The following CDH4 variants were observed in gnomAD, a reference collection of about 807,000 sequenced individuals.
CDH4 encodes cadherin-4.
CDH4 carries 33 observed loss-of-function variants against 86.0 expected under a neutral mutation model. That is an observed-to-expected ratio of 0.38 (90% confidence interval 0.29 to 0.51). The LOEUF (loss-of-function observed/expected upper bound fraction) is 0.51, where lower values mean the gene tolerates loss of function less well. Among genes scored for constraint, CDH4 ranks in the 20% least tolerant of loss-of-function variants. The pLI, the probability that CDH4 is intolerant of heterozygous loss-of-function variation, is 0.86. For synonymous variants in CDH4, 555 were observed against 549.4 expected (o/e 1.01, Z -0.14); for missense variants, 1,114 against 1,307.4 (o/e 0.85, Z 2.28).
chr20:61,798,062 C>T (rs1233619997), intron 4 of CDH4, among the ~76,000 whole-genome samples: 1 of 152,242 alleles, frequency 6.6e-6, no homozygotes, highest in Non-Finnish European at 1.5e-5. Flanking sequence ...CAGCCAGCCT[C>T]TCTGAGTCTC....
intron 2 of CDH4, chr20:61,719,233 CA>C: frequency 2.5e-6 from 1 of 405,864 alleles, no homozygotes; most frequent in Admixed American, 2.9e-5. Flanking sequence ...ATTGCTAATA[CA>C]GAGAAGGATG....
At chr20:61,670,890 G>C (rs533896737) in intron 2 of CDH4, among the ~76,000 whole-genome samples, 1 of 152,152 alleles carries the variant, frequency 6.6e-6, no homozygotes, top group African/African-American at 2.4e-5. Context: ...TCAGCTCCAA[G>C]GCCTTCTCCA....
At chr20:61,379,712 A>G (rs1008956717) in intron 2 of CDH4, among the ~76,000 whole-genome samples, 4 of 152,204 alleles carry the variant, frequency 2.6e-5, no homozygotes, top group African/African-American at 9.6e-5. Context: ...GGAGCAGTAG[A>G]AAAATGGCCA....
At chr20:61,755,116 G>C (rs1356941794) in intron 3 of CDH4, 1 of 152,136 alleles carries the variant, frequency 6.6e-6, no homozygotes, top group Non-Finnish European at 1.5e-5. Context: ...ATCAGATCTT[G>C]TGAGACTTAT....
At chr20:61,901,489 G>C (rs1458032895) in intron 8 of CDH4, among the ~76,000 whole-genome samples, 2 of 152,274 alleles carry the variant, frequency 1.3e-5, no homozygotes, top group Admixed American at 1.3e-4. Flanking sequence ...GTGGCTCCCA[G>C]CCCCGTCGGG....
chr20:61,675,251 C>T (rs1425888452), intron 2 of CDH4, among the ~76,000 whole-genome samples: 1 of 151,780 alleles, frequency 6.6e-6, no homozygotes, highest in Non-Finnish European at 1.5e-5. Context: ...AAACAACCAT[C>T]GTAGGGGCTG....
chr20:61,559,283 A>C (rs937869072), intron 2 of CDH4, among the ~76,000 whole-genome samples: 6 of 152,104 alleles, frequency 3.9e-5, no homozygotes, highest in Non-Finnish European at 8.8e-5. Context: ...GTGCCACTGC[A>C]CTCCAGCCTG....
chr20:61,380,504 C>T (rs781277844), intron 2 of CDH4, among the ~76,000 whole-genome samples: 11 of 151,522 alleles, frequency 7.3e-5, no homozygotes, highest in Admixed American at 1.3e-4. Context: ...GGCGCTCCCA[C>T]CAACAACACC....
At chr20:61,818,056 G>T (rs527971295) in intron 4 of CDH4, among the ~76,000 whole-genome samples, 1 of 151,508 alleles carries the variant, frequency 6.6e-6, no homozygotes, top group Non-Finnish European at 1.5e-5. Context: ...TTGAGACGGA[G>T]TCTCGCTCTG....
chr20:61,564,926 C>T (rs1329718877), intron 2 of CDH4, among the ~76,000 whole-genome samples: 1 of 152,148 alleles, frequency 6.6e-6, no homozygotes, highest in Admixed American at 6.5e-5. Context: ...TCGTACTGAG[C>T]CTCTGAAATG....
chr20:61,743,525 G>A (rs1600938059), intron 2 of CDH4, 38 bp from the exon 3 acceptor site: 1 of 1,519,082 alleles, frequency 6.6e-7, no homozygotes, highest in South Asian at 1.2e-5. Flanking sequence ...CCTTCTGCTG[G>A]CCAAGCCGAC....
intron 2 of CDH4, among the ~76,000 whole-genome samples, chr20:61,479,346 C>T (rs557043848): frequency 3.6e-4 from 54 of 151,210 alleles, no homozygotes; most frequent in African/African-American, 1.2e-3. Context: ...TGCTATCCCT[C>T]CCCCCTTCCC....
chr20:61,437,845 T>C (rs2085293404), intron 2 of CDH4, among the ~76,000 whole-genome samples: 1 of 152,184 alleles, frequency 6.6e-6, no homozygotes, highest in South Asian at 2.1e-4. Flanking sequence ...GATGTGCCCC[T>C]GGAAAACAGA....
At chr20:61,886,001 T>C (rs1215767461) in intron 7 of CDH4, among the ~76,000 whole-genome samples, 2 of 152,224 alleles carry the variant, frequency 1.3e-5, no homozygotes, top group Non-Finnish European at 1.5e-5. Flanking sequence ...GTGCTGGGAC[T>C]GGCTCTGGCT....
intron 7 of CDH4, among the ~76,000 whole-genome samples, chr20:61,881,611 G>C (rs1267197023): frequency 6.6e-6 from 1 of 152,210 alleles, no homozygotes; most frequent in African/African-American, 2.4e-5. Context: ...AGCTGGAGCA[G>C]AGGCCAACGT....
At chr20:61,474,963 C>G (rs2085526303) in intron 2 of CDH4, among the ~76,000 whole-genome samples, 1 of 152,180 alleles carries the variant, frequency 6.6e-6, no homozygotes. Context: ...TGCTTCCTAA[C>G]ATAATTTACT....
chr20:61,718,579 A>G, intron 2 of CDH4: 1 of 345,056 alleles, frequency 2.9e-6, no homozygotes, highest in Non-Finnish European at 5.7e-6. Flanking sequence ...CCACCTGCAC[A>G]GGCTCACAGG....
chr20:61,653,361 C>T (rs1367964456), intron 2 of CDH4, among the ~76,000 whole-genome samples: 1 of 138,066 alleles, frequency 7.2e-6, no homozygotes, highest in African/African-American at 2.6e-5. Flanking sequence ...CGGCAACCAT[C>T]CGATTTCTCA....
chr20:61,791,472 G>A (rs926203896), intron 4 of CDH4, among the ~76,000 whole-genome samples: 7 of 152,224 alleles, frequency 4.6e-5, no homozygotes, highest in Admixed American at 2.6e-4. Context: ...TGATTCACCC[G>A]GTCATGGATG....
Sources: allele counts gnomAD v4.1 joint callset (sites outside exome capture counted in the v4.1 genomes callset), GRCh38; gene constraint gnomAD v4.1.1; transcripts MANE v1.5; gene names NCBI Gene and HGNC (gene_info 2026-07-23, HGNC 2026-07-21).